NUMBL: variants seen among roughly 807,000 people sequenced by gnomAD.
The protein encoded by NUMBL is numb-like protein.
NUMBL carries 20 observed loss-of-function variants against 48.9 expected under a neutral mutation model. The observed-to-expected ratio is 0.41, with a 90% confidence interval of 0.29 to 0.59. The LOEUF is 0.59. NUMBL is among the 20% of genes least tolerant of loss of function. NUMBL has a pLI of 0.31. For missense variants in NUMBL, 660 were observed against 846.2 expected, an observed-to-expected ratio of 0.78 and a Z score of 2.73; for synonymous variants, 340 against 348.7, an observed-to-expected ratio of 0.98 and a Z score of 0.28.
Position 40,690,571 on chromosome 19 carries a change from G to A in NUMBL, c.-88C>T, listed in dbSNP as rs2081960644. 1.2e-6 allele frequency: 1 copy of A among 815,428 alleles called. No individual in the cohort carries two copies. The highest frequency in any genetic ancestry group is 1.6e-6 in the Non-Finnish European group (1 of 611,652). The allele number at this position is 815,428 out of a possible 1,614,324, so 50.5% of individuals were successfully genotyped here. The stretch of plus-strand genomic sequence containing the variant: ...GCTGCGGTGGTGGCGGCGGCAGCTC[G>A]GTCTGACGCCGGCCAGGGCCCGGGG... On this transcript the variant is annotated 5_prime_UTR_variant, in exon 1 of 10. Transcript: ENST00000252891.
At chr19:40,668,576 A>G (rs1002774355) in intron 9 of NUMBL, among the ~76,000 whole-genome samples, 3 of 152,104 alleles carry the variant, frequency 2.0e-5, no homozygotes, top group African/African-American at 7.2e-5. Flanking sequence ...CTCGTGCCTC[A>G]GTCTCCTGAG....
chr19:40,690,498 C>T lies in NUMBL; in HGVS notation c.-15G>A. ...CTGCGGGACATCCAGGGCCCGGGCG[C>T]CCCCGCCTCCCGCGGCCCTGGCTGG... On this transcript the variant is annotated 5_prime_UTR_variant, in exon 1 of 10. Transcript: ENST00000252891. 3.1e-6 allele frequency: 4 copies of T among 1,276,292 alleles called. No individual in the cohort carries two copies. The highest frequency in any genetic ancestry group is 4.0e-6 in the Non-Finnish European group (4 of 1,009,694). The allele number at this position is 1,276,292 out of a possible 1,614,324, so 79.1% of individuals were successfully genotyped here.
intron 6 of NUMBL, among the ~76,000 whole-genome samples, chr19:40,679,629 G>T (rs2081894888): frequency 6.6e-6 from 1 of 152,164 alleles, no homozygotes; most frequent in African/African-American, 2.4e-5. Context: ...AGTGAGCTGA[G>T]ATTGCTCCAT....
At chr19:40,675,302 C>T (rs369271553) in intron 7 of NUMBL, among the ~76,000 whole-genome samples, 15 of 151,998 alleles carry the variant, frequency 9.9e-5, no homozygotes, top group Admixed American at 4.6e-4. Flanking sequence ...GCCTGGGTGA[C>T]GGAGAGAGAC....
chr19:40,684,612 T>C, intron 2 of NUMBL, 56 bp from the exon 3 acceptor site: 1 of 1,545,866 alleles, frequency 6.5e-7, no homozygotes. Context: ...GGTATGGAGC[T>C]CAACGGGGAG....
At chr19:40,669,017 C>T (rs1488530305) in intron 9 of NUMBL, among the ~76,000 whole-genome samples, 1 of 152,006 alleles carries the variant, frequency 6.6e-6, no homozygotes, top group Non-Finnish European at 1.5e-5. Context: ...TCAAGGATTC[C>T]ATGGTTCTGA....
chr19:40,689,121 A>G (rs564060286), intron 1 of NUMBL, among the ~76,000 whole-genome samples: 67 of 152,286 alleles, frequency 4.4e-4, no homozygotes, highest in African/African-American at 1.5e-3. Context: ...ACATGGAGCC[A>G]TAGACAACTC....
rs1279583149 is a variant in NUMBL, at chr19:40,688,195, T to G, written c.25-1200A>C. On this transcript the variant is annotated intron_variant, in intron 1 of 9. Coordinates refer to ENST00000252891, the MANE Select transcript of NUMBL (RefSeq NM_004756.5). This position sits in a 1 kb window ranked among gnomAD's most constrained non-coding sequence, Gnocchi z 4.6. ...ATGGTCATAATCCCGTCACCCAGTG[T>G]CCATACACAGCTGTACCATGTCACT... Among the ~76,000 whole-genome samples, 1 of 152,168 alleles carries G rather than the reference T, an allele frequency of 6.6e-6. No homozygotes were observed. The highest frequency in any genetic ancestry group is 2.4e-5 in the African/African-American group (1 of 41,432).
At chr19:40,679,694 CACA>C (rs767631455) in intron 6 of NUMBL, among the ~76,000 whole-genome samples, 2 of 151,960 alleles carry the variant, frequency 1.3e-5, no homozygotes, top group South Asian at 2.1e-4. Flanking sequence ...CAAACAAAAA[CACA>C]ACATTACACT....
chr19:40,669,643 A>C (rs1227005050), intron 9 of NUMBL, among the ~76,000 whole-genome samples: 1 of 151,862 alleles, frequency 6.6e-6, no homozygotes, highest in Non-Finnish European at 1.5e-5. Flanking sequence ...CGTGGCTCTA[A>C]GATGATCCAT....
chr19:40,669,716 C>T (rs1415705307), intron 9 of NUMBL, among the ~76,000 whole-genome samples, 182 bp downstream of exon 9: 2 of 151,486 alleles, frequency 1.3e-5, no homozygotes, highest in Non-Finnish European at 2.9e-5. Context: ...GCATGATTCT[C>T]AGGTAATCCC....
rs910395476 is a variant in NUMBL at position 40,688,687 on chromosome 19, C to T, written c.25-1692G>A. 6.6e-6 allele frequency among the ~76,000 whole-genome samples: 1 copy of T among 152,184 alleles called. No individual in the cohort carries two copies. ...AACACAATAATATGGAAGCCATAAT[C>T]ATATACACACCCCTACAAACATAAT... On this transcript the variant is annotated intron_variant, in intron 1 of 9. Coordinates refer to ENST00000252891, the MANE Select transcript of NUMBL (RefSeq NM_004756.5). The surrounding 1 kb of genome is among the most constrained non-coding windows in gnomAD (Gnocchi z 4.6).
At chr19:40,690,306 G>A in intron 1 of NUMBL, 154 bp downstream of exon 1, 1 of 407,702 alleles carries the variant, frequency 2.5e-6, no homozygotes, top group Non-Finnish European at 4.2e-6. Flanking sequence ...CTGGGCTTTG[G>A]CTTGTTGGGC....
intron 9 of NUMBL, 107 bp from the exon 10 acceptor site, chr19:40,668,245 C>T: frequency 6.9e-7 from 1 of 1,448,880 alleles, no homozygotes; most frequent in Non-Finnish European, 9.1e-7. Flanking sequence ...ACTCTGGAGC[C>T]AGACCGCCTG....
intron 9 of NUMBL, 103 bp downstream of exon 9, chr19:40,669,795 T>G: frequency 4.8e-6 from 7 of 1,461,148 alleles, no homozygotes; most frequent in Non-Finnish European, 6.4e-6. Flanking sequence ...GTTCTAAGCC[T>G]GTAGGATCCC....
chr19:40,683,258 G>C (rs371888370), intron 3 of NUMBL, among the ~76,000 whole-genome samples: 1 of 152,154 alleles, frequency 6.6e-6, no homozygotes, highest in South Asian at 2.1e-4. Flanking sequence ...ATCTCTGTGC[G>C]TGAGGACTGG....
intron 8 of NUMBL, among the ~76,000 whole-genome samples, chr19:40,670,712 C>T (rs974076421): frequency 2.2e-4 from 33 of 152,134 alleles, no homozygotes; most frequent in African/African-American, 6.8e-4. Flanking sequence ...AGGTGTGCTG[C>T]GGGGGCGCCC....
Position 40,678,323 on chromosome 19 carries a change from T to C in NUMBL, c.541-902A>G, listed in dbSNP as rs535185480. On this transcript the variant is annotated intron_variant, in intron 6 of 9. Transcript: ENST00000252891. ...GATTATAGGCATGCGCCACCACACCTGGTTAATTTGTGTATTTTTAGTAGA... is the reference window on the plus strand; with the variant it reads ...GATTATAGGCATGCGCCACCACACCCGGTTAATTTGTGTATTTTTAGTAGA... Among the ~76,000 whole-genome samples the C allele has an allele frequency of 3.9e-4, 59 of 152,178 alleles. 1 individual carries two copies. The South Asian group carries it at 0.012, about 31-fold the overall frequency.
In NUMBL at chr19:40,667,388, G is replaced by A. The variant is rs929822480; in HGVS notation, c.*80C>T. ...GTGTTGAGGGGCGCAGCCCCAGGGA[G>A]CAGGGTTAGGGGAGAGGTTGTGCCT... On this transcript the variant is annotated 3_prime_UTR_variant, in exon 10 of 10. Coordinates refer to ENST00000252891, the MANE Select transcript of NUMBL (RefSeq NM_004756.5). The surrounding 1 kb of genome is among the most constrained non-coding windows in gnomAD (Gnocchi z 6.1). 3 of 1,544,550 alleles carry A rather than the reference G, an allele frequency of 1.9e-6. No individual in the cohort carries two copies. In the African/African-American group the frequency reaches 4.1e-5, roughly 21 times the overall value.
Sources: allele counts gnomAD v4.1 joint callset (sites outside exome capture counted in the v4.1 genomes callset), GRCh38; gene constraint gnomAD v4.1.1; non-coding constraint Gnocchi (gnomAD v3.1); transcripts MANE v1.5; gene names NCBI Gene and HGNC (gene_info 2026-07-23, HGNC 2026-07-21).